CRB1: variants seen among roughly 807,000 people sequenced by gnomAD.
The protein encoded by CRB1 is crumbs cell polarity complex component 1, also known as protein crumbs homolog 1.
A neutral mutation model predicts 120.0 loss-of-function variants in CRB1; 83 were observed. That is an observed-to-expected ratio of 0.69 (90% confidence interval 0.58 to 0.83). The LOEUF is 0.83. Among genes scored for constraint, CRB1 ranks in the 40% least tolerant of loss-of-function variants. CRB1 has a pLI of 0.00. For synonymous variants in CRB1, 625 were observed against 612.5 expected, an observed-to-expected ratio of 1.02 and a Z score of -0.30; for missense variants, 1,699 against 1,687.6, an observed-to-expected ratio of 1.01 and a Z score of -0.12.
At chr1:197,290,135 G>A (rs1656083318) in intron 1 of CRB1, among the ~76,000 whole-genome samples, 1 of 151,546 alleles carries the variant, frequency 6.6e-6, no homozygotes, top group Admixed American at 6.6e-5. Flanking sequence ...AAAAACATTT[G>A]TTGTATTTAT....
At chr1:197,230,604 G>A in the CRB1 span, among the ~76,000 whole-genome samples, 2 of 151,976 alleles carry the variant, frequency 1.3e-5, no homozygotes, top group Non-Finnish European at 2.9e-5. Context: ...CTTCACTTCT[G>A]GTTGCTCTTG....
At chr1:197,412,483 A>G (rs1201045908) in intron 5 of CRB1, among the ~76,000 whole-genome samples, 1 of 152,222 alleles carries the variant, frequency 6.6e-6, no homozygotes, top group Non-Finnish European at 1.5e-5. Context: ...AGTCAGTGTC[A>G]TAGTCTGACT....
chr1:197,343,534 T>C (rs1343836881), intron 2 of CRB1, among the ~76,000 whole-genome samples: 1 of 152,148 alleles, frequency 6.6e-6, no homozygotes, highest in East Asian at 1.9e-4. Flanking sequence ...CTTCTAATGA[T>C]GCCATTAATT....
the CRB1 span, among the ~76,000 whole-genome samples, chr1:197,203,979 T>C: frequency 5.3e-5 from 8 of 150,704 alleles, no homozygotes; most frequent in Admixed American, 1.3e-4. Flanking sequence ...CCAGAGTCCA[T>C]TGTATTATTC....
intron 1 of CRB1, among the ~76,000 whole-genome samples, chr1:197,275,925 A>T (rs1655182910): frequency 6.6e-6 from 1 of 151,832 alleles, no homozygotes; most frequent in Admixed American, 6.6e-5. Context: ...TGACTTAACA[A>T]TAAACAGTAA....
chr1:197,334,783 A>C (rs1345580356), intron 2 of CRB1, among the ~76,000 whole-genome samples: 2 of 152,232 alleles, frequency 1.3e-5, no homozygotes, highest in Non-Finnish European at 2.9e-5. Context: ...TAATTTATTC[A>C]ACACATATAT....
chr1:197,217,073 C>T, the CRB1 span, among the ~76,000 whole-genome samples: 13 of 151,704 alleles, frequency 8.6e-5, no homozygotes, highest in Non-Finnish European at 1.3e-4. Flanking sequence ...AAGTGTACAT[C>T]GAATTGAAAT....
chr1:197,275,679 G>A (rs1655163407), intron 1 of CRB1, among the ~76,000 whole-genome samples: 1 of 151,916 alleles, frequency 6.6e-6, no homozygotes, highest in South Asian at 2.1e-4. Context: ...ACTAGAATTA[G>A]GTGTAAACAT....
chr1:197,389,202 T>C (rs1662366964), intron 5 of CRB1, among the ~76,000 whole-genome samples: 1 of 152,124 alleles, frequency 6.6e-6, no homozygotes, highest in Non-Finnish European at 1.5e-5. Context: ...ACAATTCTGC[T>C]GGATACACAC....
At chr1:197,476,242 G>A (rs1411875831) in intron 11 of CRB1, among the ~76,000 whole-genome samples, 2 of 151,354 alleles carry the variant, frequency 1.3e-5, no homozygotes, top group Non-Finnish European at 2.9e-5. Context: ...TGAAGTACTT[G>A]AGCATCCACT....
intron 1 of CRB1, among the ~76,000 whole-genome samples, chr1:197,314,068 C>A (rs1265947652): frequency 6.6e-6 from 1 of 152,196 alleles, no homozygotes; most frequent in African/African-American, 2.4e-5. Context: ...CATCTTCCAC[C>A]AAATTTGGGA....
intron 5 of CRB1, among the ~76,000 whole-genome samples, chr1:197,373,957 C>T (rs1661508877): frequency 6.6e-6 from 1 of 152,080 alleles, no homozygotes; most frequent in Non-Finnish European, 1.5e-5. Flanking sequence ...CAATGGTAGT[C>T]CCAAGAGAGG....
At chr1:197,461,733 A>T (rs1025568091) in intron 11 of CRB1, among the ~76,000 whole-genome samples, 1 of 152,116 alleles carries the variant, frequency 6.6e-6, no homozygotes, top group South Asian at 2.1e-4. Flanking sequence ...CGACACATGA[A>T]TCTGTAGAGC....
chr1:197,311,890 A>C (rs1025791841), intron 1 of CRB1, among the ~76,000 whole-genome samples: 2 of 152,088 alleles, frequency 1.3e-5, no homozygotes, highest in Non-Finnish European at 2.9e-5. Flanking sequence ...TTATCTGTTA[A>C]ATATGCTGGA....
At chr1:197,448,615 C>T (rs1665813450) in intron 11 of CRB1, among the ~76,000 whole-genome samples, 1 of 152,196 alleles carries the variant, frequency 6.6e-6, no homozygotes, top group Non-Finnish European at 1.5e-5. Flanking sequence ...GCTGTTCCTC[C>T]CACCTAACCT....
chr1:197,355,372 C>G (rs573419534), intron 4 of CRB1, among the ~76,000 whole-genome samples: 2 of 152,226 alleles, frequency 1.3e-5, no homozygotes, highest in Non-Finnish European at 2.9e-5. Flanking sequence ...TGGAGCTGCC[C>G]GCCAGTCCCG....
At chr1:197,284,138 G>A (rs958909719) in intron 1 of CRB1, among the ~76,000 whole-genome samples, 43 of 151,860 alleles carry the variant, frequency 2.8e-4, no homozygotes, top group African/African-American at 8.5e-4. Context: ...GACACTCTAT[G>A]ACGTCTTAAC....
At chr1:197,309,120 A>G (rs1158357828) in intron 1 of CRB1, among the ~76,000 whole-genome samples, 1 of 151,950 alleles carries the variant, frequency 6.6e-6, no homozygotes, top group African/African-American at 2.4e-5. Flanking sequence ...ATATATTTAT[A>G]TATTTATACT....
intron 5 of CRB1, among the ~76,000 whole-genome samples, chr1:197,392,046 A>G (rs752680761): frequency 2.4e-4 from 37 of 152,038 alleles, no homozygotes; most frequent in Non-Finnish European, 5.0e-4. Context: ...GAGGGCTTAC[A>G]AGGCTGGTAC....
Sources: gnomAD v4.1 joint callset for allele counts (sites outside exome capture counted in the v4.1 genomes callset) on GRCh38, gnomAD v4.1.1 for gene constraint, MANE v1.5 for transcripts, NCBI Gene and HGNC (gene_info 2026-07-23, HGNC 2026-07-21) for gene names.